The following SLC35F3 variants were observed in gnomAD, a reference collection of about 807,000 sequenced individuals.
SLC35F3 encodes putative thiamine transporter SLC35F3.
A neutral mutation model predicts 49.9 loss-of-function variants in SLC35F3; 25 were observed. The ratio of observed to expected loss-of-function variants is 0.50; its 90% CI spans 0.37 to 0.70. SLC35F3 has a LOEUF of 0.70. Among genes scored for constraint, SLC35F3 ranks in the 30% least tolerant of loss-of-function variants. The probability of loss-of-function intolerance (pLI) is 0.00; values close to 1 mark genes in which losing one functional copy is unlikely to be tolerated. For missense variants in SLC35F3, 525 were observed against 639.8 expected (o/e 0.82, Z 1.94); for synonymous variants, 275 against 265.4 (o/e 1.04, Z -0.35).
chr1:234,092,160 G>A (rs1249672494), intron 2 of SLC35F3, among the ~76,000 whole-genome samples: 2 of 152,208 alleles, frequency 1.3e-5, no homozygotes, highest in East Asian at 1.9e-4. Context: ...TTCTCCTGGA[G>A]GTTTAAGTTC....
intron 3 of SLC35F3, among the ~76,000 whole-genome samples, chr1:234,294,123 C>T (rs1263918970): frequency 1.3e-5 from 2 of 152,188 alleles, no homozygotes; most frequent in African/African-American, 4.8e-5. Context: ...TTTAACACAG[C>T]TCCTGAAAAT....
rs1657595711 is a variant in SLC35F3 at position 234,320,716 on chromosome 1, A to C, written c.1237+529A>C. Among the ~76,000 whole-genome samples the C allele has an allele frequency of 6.6e-6, 1 of 152,168 alleles. No individual in the cohort carries two copies. Among genetic ancestry groups the C allele is most frequent in the Non-Finnish European group, 1.5e-5 (1 of 68,034 alleles). ...TGACCTCCGGGAAGACAGGGAGAGA[A>C]CGCCCTTTGCCCAGGAACTCGGGAC... On this transcript the variant is annotated intron_variant, in intron 7 of 7. Coordinates refer to ENST00000366618, the MANE Select transcript of SLC35F3 (RefSeq NM_173508.4). The surrounding 1 kb of genome is among the most constrained non-coding windows in gnomAD (Gnocchi z 4.8).
At chr1:234,241,628 G>C (rs2102957029) in intron 3 of SLC35F3, among the ~76,000 whole-genome samples, 1 of 151,770 alleles carries the variant, frequency 6.6e-6, no homozygotes, top group African/African-American at 2.4e-5. Context: ...CCAGCTACTT[G>C]TGAGGCTGAG....
chr1:234,195,343 T>C (rs1666791337), intron 2 of SLC35F3, among the ~76,000 whole-genome samples: 1 of 152,126 alleles, frequency 6.6e-6, no homozygotes, highest in African/African-American at 2.4e-5. Context: ...TCCATCCAAT[T>C]CCACAGTCCA....
intron 2 of SLC35F3, among the ~76,000 whole-genome samples, chr1:234,054,450 A>G (rs150654231): frequency 0.019 from 2,867 of 152,284 alleles, 124 homozygotes; most frequent in East Asian, 0.17. Flanking sequence ...AAGCTTGTGC[A>G]TGCATCATGT....
chr1:234,096,734 G>A (rs1168631679), intron 2 of SLC35F3, among the ~76,000 whole-genome samples: 2 of 152,114 alleles, frequency 1.3e-5, no homozygotes, highest in African/African-American at 4.8e-5. Flanking sequence ...TGGATTTGAG[G>A]GTGGGTAAGC....
intron 2 of SLC35F3, among the ~76,000 whole-genome samples, chr1:234,087,986 G>T (rs1402125228): frequency 6.6e-6 from 1 of 152,132 alleles, no homozygotes; most frequent in African/African-American, 2.4e-5. Context: ...CCTGCCTCCA[G>T]CTTAGTCTCC....
In SLC35F3 at chr1:234,097,937, AG is replaced by A. The variant is rs566481227; in HGVS notation, c.284-133477del. On this transcript the variant is annotated intron_variant, in intron 2 of 7. Coordinates refer to ENST00000366618, the MANE Select transcript of SLC35F3 (RefSeq NM_173508.4). Reference sequence around the variant, plus strand: ...ATGGTGGTGGTAGTGATGGTGTTATAGGGTGATGGTGGAGGTGGTGACTGTG... The same window carrying A: ...ATGGTGGTGGTAGTGATGGTGTTATAGGTGATGGTGGAGGTGGTGACTGTG... 3.5e-3 allele frequency among the ~76,000 whole-genome samples: 536 copies of A among 152,280 alleles called. 4 individuals carry two copies. The highest frequency in any genetic ancestry group is 0.012 in the African/African-American group (504 of 41,554).
rs573414562 is a variant in SLC35F3 at position 233,928,191 on chromosome 1, C to T, written c.283+22433C>T. 5.3e-5 allele frequency among the ~76,000 whole-genome samples: 8 copies of T among 152,096 alleles called. No homozygotes were observed. The South Asian group carries it at 1.2e-3, about 24-fold the overall frequency. On this transcript the variant is annotated intron_variant, in intron 2 of 7. Coordinates refer to ENST00000366618, the MANE Select transcript of SLC35F3 (RefSeq NM_173508.4). Reference sequence around the variant, plus strand: ...GCAGCAGTAATCATGGAAGTCAAGTCGACCTATAGTGAGCAAATTTTCTGG... The same window carrying T: ...GCAGCAGTAATCATGGAAGTCAAGTTGACCTATAGTGAGCAAATTTTCTGG...
At chr1:233,905,857 C>T in intron 2 of SLC35F3, 99 bp downstream of exon 2, 1 of 1,105,078 alleles carries the variant, frequency 9.0e-7, no homozygotes, top group South Asian at 1.5e-5. Context: ...GTCCAGCCAC[C>T]CCCTCCCGCC....
chr1:234,217,931 G>A (rs1377055103), intron 2 of SLC35F3, among the ~76,000 whole-genome samples: 4 of 152,154 alleles, frequency 2.6e-5, no homozygotes, highest in African/African-American at 7.2e-5. Flanking sequence ...AGCTGAGGCT[G>A]GGGGGATATG....
chr1:234,116,128 G>C (rs565229917), intron 2 of SLC35F3, among the ~76,000 whole-genome samples: 1 of 152,330 alleles, frequency 6.6e-6, no homozygotes, highest in Admixed American at 6.5e-5. Context: ...CTCATGCTTA[G>C]TAAATCTGCA....
chr1:234,085,717 C>T (rs1664950581), intron 2 of SLC35F3, among the ~76,000 whole-genome samples: 1 of 152,158 alleles, frequency 6.6e-6, no homozygotes, highest in Non-Finnish European at 1.5e-5. Flanking sequence ...CTTTATAAAA[C>T]TCAGTGCTTA....
intron 2 of SLC35F3, among the ~76,000 whole-genome samples, chr1:234,134,506 A>G (rs1278191657): frequency 6.7e-6 from 1 of 149,398 alleles, no homozygotes; most frequent in Non-Finnish European, 1.5e-5. Flanking sequence ...TATTATATAT[A>G]ATTTTTAAAT....
In SLC35F3 at chr1:234,234,423, C is replaced by CA. The variant is rs1457158805; in HGVS notation, c.608+2684dup. The stretch of plus-strand genomic sequence containing the variant: ...CCCCAGCACAGAGCTCCGCAACCTG[C>CA]AACGCCCTGTGAGGCTCCCTGGGGT... On this transcript the variant is annotated intron_variant, in intron 3 of 7. Transcript: ENST00000366618. Among the ~76,000 whole-genome samples the CA allele has an allele frequency of 7.2e-5, 11 of 152,326 alleles. No individual in the cohort carries two copies. The South Asian group carries it at 8.3e-4, about 11-fold the overall frequency.
At position 234,297,343 on chromosome 1, in the gene SLC35F3, T is replaced by C. The variant is rs115579457; in HGVS notation, c.609-11758T>C. The stretch of plus-strand genomic sequence containing the variant: ...TGAAATCAGTATGTTAAAGAGGTAA[T>C]GTCTGCATTCCCATGTTACCACAGC... On this transcript the variant is annotated intron_variant, in intron 3 of 7. Coordinates refer to ENST00000366618, the MANE Select transcript of SLC35F3 (RefSeq NM_173508.4). 4.0e-3 allele frequency among the ~76,000 whole-genome samples: 608 copies of C among 152,318 alleles called. 2 individuals carry two copies. Among genetic ancestry groups the C allele is most frequent in the African/African-American group, 0.013 (532 of 41,568 alleles).
rs1663990461 is a variant in SLC35F3, at chr1:234,027,094, A to AT, written c.283+121337dup. On this transcript the variant is annotated intron_variant, in intron 2 of 7. Coordinates refer to ENST00000366618, the MANE Select transcript of SLC35F3 (RefSeq NM_173508.4). The surrounding 1 kb of genome is among the most constrained non-coding windows in gnomAD (Gnocchi z 4.1). ...CAGATACACTGATTTTCCAAGTACC[A>AT]TAACATTGGCAGAACAGTTGTCAAA... is the stretch of plus-strand genomic sequence containing the variant. 1 of 153,366 alleles carries AT rather than the reference A, an allele frequency of 6.5e-6. No individual in the cohort carries two copies. Among genetic ancestry groups the AT allele is most frequent in the Non-Finnish European group, 1.5e-5 (1 of 68,358 alleles). The allele number at this position is 153,366 out of a possible 1,614,324, so 9.5% of individuals were successfully genotyped here. A position where few individuals can be genotyped will look rare whatever the true frequency, so the allele number is the denominator to read the frequency against.
At chr1:234,152,175 A>C (rs1666085023) in intron 2 of SLC35F3, among the ~76,000 whole-genome samples, 1 of 151,150 alleles carries the variant, frequency 6.6e-6, no homozygotes, top group Non-Finnish European at 1.5e-5. Context: ...AAGATAATCA[A>C]TTTTTTGACA....
chr1:233,933,035 T>TAAAAAAAAAAAA (rs59669736), intron 2 of SLC35F3, among the ~76,000 whole-genome samples: 2 of 134,944 alleles, frequency 1.5e-5, no homozygotes, highest in South Asian at 2.4e-4. Context: ...GCTATTTAAG[T>TAAAAAAAAAAAA]AAAAAAAAAA....
Sources: allele counts gnomAD v4.1 joint callset (sites outside exome capture counted in the v4.1 genomes callset), GRCh38; gene constraint gnomAD v4.1.1; non-coding constraint Gnocchi (gnomAD v3.1); transcripts MANE v1.5; gene names NCBI Gene and HGNC (gene_info 2026-07-23, HGNC 2026-07-21).